The following TRRAP variants were observed in gnomAD, a reference collection of about 807,000 sequenced individuals.
The protein encoded by TRRAP is transformation/transcription domain associated protein.
A neutral mutation model predicts 438.8 loss-of-function variants in TRRAP; 41 were observed. The observed-to-expected ratio is 0.09, with a 90% CI of 0.07 to 0.12. The LOEUF (loss-of-function observed/expected upper bound fraction) is 0.12, where lower values mean the gene tolerates loss of function less well. Among genes scored for constraint, TRRAP ranks in the 10% least tolerant of loss-of-function variants. TRRAP has a pLI of 1.00. For synonymous variants in TRRAP, 1,994 were observed against 1,962.9 expected, an observed-to-expected ratio of 1.02 and a Z score of -0.42; for missense variants, 3,122 against 5,055.1, an observed-to-expected ratio of 0.62 and a Z score of 11.60.
At position 98,918,898 on chromosome 7, in the gene TRRAP, A is replaced by T. The variant is rs1418048902; in HGVS notation, c.2622+1219A>T. 7.2e-5 allele frequency among the ~76,000 whole-genome samples: 11 copies of T among 152,152 alleles called. No homozygotes were observed. In the South Asian group the frequency reaches 1.9e-3, roughly 26 times the overall value. ...TGGCGAAACCCTGTCTCTACTAAAA[A>T]TACAAAAATTAGCCAGGCATGGTAG... is the stretch of plus-strand genomic sequence containing the variant. On this transcript the variant is annotated intron_variant, in intron 20 of 72. Transcript: ENST00000456197.
At chr7:98,917,313 A>G in intron 19 of TRRAP, 110 bp from the exon 20 acceptor site, 1 of 1,431,312 alleles carries the variant, frequency 7.0e-7, no homozygotes, top group Non-Finnish European at 9.5e-7. Flanking sequence ...GTCTCCCTGC[A>G]GTTGTGCTGA....
intron 45 of TRRAP, 117 bp from the exon 46 acceptor site, chr7:98,961,144 T>C (rs968368620): frequency 2.2e-6 from 2 of 916,200 alleles, no homozygotes; most frequent in Non-Finnish European, 3.4e-6. Flanking sequence ...AGTGGTTTTT[T>C]TTACTTAGTC....
At chr7:98,928,712 T>G (rs1554412104) in intron 23 of TRRAP, among the ~76,000 whole-genome samples, 2 of 152,162 alleles carry the variant, frequency 1.3e-5, no homozygotes, top group Non-Finnish European at 2.9e-5. Context: ...CTTGGCCTAT[T>G]TAATAATTTT....
At chr7:98,911,896 G>A (rs912020718) in intron 17 of TRRAP, 126 bp from the exon 18 acceptor site, 11 of 815,138 alleles carry the variant, frequency 1.3e-5, no homozygotes, top group African/African-American at 3.4e-5. Context: ...TCCTTTGGTG[G>A]ATAATTAAAT....
chr7:98,994,321 ATCC>A lies in TRRAP; in HGVS notation c.10048-265_10048-263del, dbSNP rs1382121088. Reference sequence around the variant, plus strand: ...GTGGCTAATCGCAGACGGGTGTATGATCCAAAAAAGTGGGGCTTTTCTGTTTTC... The same window carrying A: ...GTGGCTAATCGCAGACGGGTGTATGAAAAAAAGTGGGGCTTTTCTGTTTTC... On this transcript the variant is annotated intron_variant, in intron 66 of 72. Coordinates refer to ENST00000456197, the MANE Select transcript of TRRAP (RefSeq NM_001375524.1). This position sits in a 1 kb window ranked among gnomAD's most constrained non-coding sequence, Gnocchi z 4.8. Among the ~76,000 whole-genome samples, 1 of 152,174 alleles carries A rather than the reference ATCC, an allele frequency of 6.6e-6. No individual in the cohort carries two copies. The highest frequency in any genetic ancestry group is 1.5e-5 in the Non-Finnish European group (1 of 68,028).
Position 98,994,672 on chromosome 7 carries a change from C to A in TRRAP, c.10133C>A (p.Thr3378Asn). The change falls in exon 67 of 73, where the codon ACC becomes AAC. Residue 3378 changes from threonine to asparagine, a missense_variant. By Grantham distance (65) the Thr-to-Asn change is moderately conservative (BLOSUM62 0). This residue lies in a region of TRRAP where 107 missense variants were observed against 327.5 expected (regional missense o/e 0.33). Coordinates refer to ENST00000456197, the MANE Select transcript of TRRAP (RefSeq NM_001375524.1). This position sits in a 1 kb window ranked among gnomAD's most constrained non-coding sequence, Gnocchi z 4.8. ...KSGAVSDAKITPHTLNFVKKL... is the reference protein window; with the variant it reads ...KSGAVSDAKINPHTLNFVKKL... ...GGAGCGGTGTCCGATGCTAAAATCA[C>A]CCCCCACACTCTCAATTTTGTGAAG... 6.2e-7 allele frequency: 1 copy of A among 1,614,180 alleles called. No individual in the cohort carries two copies. Among genetic ancestry groups the A allele is most frequent in the Non-Finnish European group, 8.5e-7 (1 of 1,180,040 alleles).
intron 63 of TRRAP, among the ~76,000 whole-genome samples, chr7:98,990,030 C>T (rs964186894): frequency 6.6e-6 from 1 of 152,190 alleles, no homozygotes; most frequent in African/African-American, 2.4e-5. Flanking sequence ...GAGTTCAAGA[C>T]CAGCCTGGCC....
chr7:98,895,738 A>G (rs996852682), intron 6 of TRRAP, 26 bp from the exon 7 acceptor site: 1 of 1,576,960 alleles, frequency 6.3e-7, no homozygotes, highest in African/African-American at 1.4e-5. Flanking sequence ...ATATCTTCCT[A>G]TAACGAAAGT....
chr7:98,939,099 A>G (rs1554415000), intron 30 of TRRAP, among the ~76,000 whole-genome samples: 4 of 152,250 alleles, frequency 2.6e-5, no homozygotes, highest in Non-Finnish European at 5.9e-5. Context: ...AAATGGATTT[A>G]TAAATAATAA....
intron 22 of TRRAP, among the ~76,000 whole-genome samples, chr7:98,926,114 C>T (rs1475874187): frequency 2.0e-5 from 3 of 152,008 alleles, no homozygotes; most frequent in Non-Finnish European, 2.9e-5. Flanking sequence ...TTATCCAGAA[C>T]ACATGCAGAG....
In TRRAP at chr7:98,951,149, T is replaced by C. The variant is rs1441566060; in HGVS notation, c.5463+145T>C. 6 of 1,100,314 alleles carry C rather than the reference T, an allele frequency of 5.5e-6. No individual in the cohort carries two copies. In the African/African-American group the frequency reaches 9.5e-5, roughly 17 times the overall value. The allele number at this position is 1,100,314 out of a possible 1,614,324, so 68.2% of individuals were successfully genotyped here. Reference sequence around the variant, plus strand: ...CGCCAACACGTTTATTTTTCATGATTGTGTTAGTTTTTAGCAGACCGTCAC... The same window carrying C: ...CGCCAACACGTTTATTTTTCATGATCGTGTTAGTTTTTAGCAGACCGTCAC... On this transcript the variant is annotated intron_variant, in intron 39 of 72. Coordinates refer to ENST00000456197, the MANE Select transcript of TRRAP (RefSeq NM_001375524.1).
At chr7:98,888,178 C>T (rs1048615071) in intron 3 of TRRAP, among the ~76,000 whole-genome samples, 3 of 150,874 alleles carry the variant, frequency 2.0e-5, no homozygotes, top group Non-Finnish European at 4.4e-5. Flanking sequence ...TGCAGTGAGC[C>T]GAGATCACGC....
At chr7:98,935,722 C>A in intron 28 of TRRAP, 47 bp downstream of exon 28, 2 of 1,464,692 alleles carry the variant, frequency 1.4e-6, no homozygotes, top group Non-Finnish European at 1.9e-6. Context: ...AGGAGACTGA[C>A]CACAGGAGGT....
intron 63 of TRRAP, among the ~76,000 whole-genome samples, chr7:98,989,837 G>T (rs549137065): frequency 6.6e-6 from 1 of 152,196 alleles, no homozygotes; most frequent in African/African-American, 2.4e-5. Context: ...TAGGTTAACG[G>T]GTGGGCAGGC....
At chr7:98,973,011 A>C (rs1017596438) in intron 53 of TRRAP, among the ~76,000 whole-genome samples, 2 of 151,926 alleles carry the variant, frequency 1.3e-5, no homozygotes, top group Non-Finnish European at 2.9e-5. Context: ...ACAGGGTCTC[A>C]CTCTGTTGCT....
intron 3 of TRRAP, among the ~76,000 whole-genome samples, chr7:98,886,719 A>G (rs924158097): frequency 6.6e-5 from 10 of 152,192 alleles, no homozygotes; most frequent in Non-Finnish European, 1.3e-4. Context: ...AGTGAGTGAA[A>G]TTTAAAAACT....
chr7:98,993,061 A>G (rs1163337228), intron 65 of TRRAP, among the ~76,000 whole-genome samples: 4 of 152,250 alleles, frequency 2.6e-5, no homozygotes, highest in African/African-American at 9.6e-5. Flanking sequence ...GTATTTTGCA[A>G]TTGGCTTGGC....
At position 98,956,262 on chromosome 7, in the gene TRRAP, A is replaced by G. The variant is rs1554419746; in HGVS notation, c.6054A>G (p.Glu2018=). 6.2e-7 allele frequency: 1 copy of G among 1,614,206 alleles called. No individual in the cohort carries two copies. The highest frequency in any genetic ancestry group is 2.2e-5 in the East Asian group (1 of 44,876). ...GGCGGCTGGCCGTGGACCTGTCTGA[A>G]GTCGTCATCAAGTGGGAGCTGCAGA... ...EQRRLAVDLS[E]VVIKWELQRI... The change falls in exon 42 of 73, where the codon GAA becomes GAG. Residue 2018 remains glutamate, a synonymous_variant. Transcript: ENST00000456197. This position sits in a 1 kb window ranked among gnomAD's most constrained non-coding sequence, Gnocchi z 4.5.
rs370069633 is a variant in TRRAP, at chr7:98,950,860, T to G, written c.5335-16T>G. 1.2e-5 allele frequency: 18 copies of G among 1,511,978 alleles called. No homozygotes were observed. The African/African-American group carries it at 2.3e-4, about 19-fold the overall frequency. The allele number at this position is 1,511,978 out of a possible 1,614,324, so 93.7% of individuals were successfully genotyped here. ...GGCTTTGTTTTTCTCCTTCTTTATT[T>G]AAATTTTTTTTGTAGGTTCTGCAGC... On this transcript the variant is annotated splice_polypyrimidine_tract_variant and intron_variant, in intron 38 of 72. Coordinates refer to ENST00000456197, the MANE Select transcript of TRRAP (RefSeq NM_001375524.1).
Sources: gnomAD v4.1 joint callset for allele counts (sites outside exome capture counted in the v4.1 genomes callset) on GRCh38, gnomAD v4.1.1 for gene constraint, gnomAD v4.1.1 regional missense constraint, Gnocchi (gnomAD v3.1) non-coding constraint, MANE v1.5 for transcripts, NCBI Gene and HGNC (gene_info 2026-07-23, HGNC 2026-07-21) for gene names.